The following AMPH variants were observed in gnomAD, a reference collection of about 807,000 sequenced individuals.
The protein encoded by AMPH is amphiphysin (Stiff-Mann syndrome with breast cancer 128kD autoantigen).
AMPH carries 49 observed loss-of-function variants against 99.1 expected under a neutral mutation model. The ratio of observed to expected loss-of-function variants is 0.49; its 90% CI spans 0.39 to 0.63. The LOEUF (loss-of-function observed/expected upper bound fraction) is 0.63, where lower values mean the gene tolerates loss of function less well. AMPH is among the 20% of genes least tolerant of loss of function. The pLI is 0.00. For synonymous variants in AMPH, 314 were observed against 317.3 expected (o/e 0.99, Z 0.11); for missense variants, 759 against 863.4 (o/e 0.88, Z 1.52).
Position 38,475,363 on chromosome 7 carries a change from G to T in AMPH, c.558C>A (p.Asp186Glu). Reference sequence around the variant, plus strand: ...ATAATGATGGTAACTCTTCTTGTAAGTCAACGTTAAACTCTTCAAACACTT... The same window carrying T: ...ATAATGATGGTAACTCTTCTTGTAATTCAACGTTAAACTCTTCAAACACTT... ...AQKVFEEFNV[D>E]LQEELPSLWS... The change falls in exon 7 of 21, where the codon GAC becomes GAA. Residue 186 changes from aspartate (D) to glutamate (E), a missense_variant. This residue lies in a region of AMPH where 205 missense variants were observed against 287.9 expected (regional missense o/e 0.71). Transcript: ENST00000356264. The T allele has an allele frequency of 6.2e-7, 1 of 1,613,170 alleles. No individual in the cohort carries two copies. The highest frequency in any genetic ancestry group is 8.5e-7 in the Non-Finnish European group (1 of 1,179,476).
chr7:38,629,549 C>A (rs1794382009), intron 1 of AMPH, among the ~76,000 whole-genome samples: 1 of 152,166 alleles, frequency 6.6e-6, no homozygotes, highest in African/African-American at 2.4e-5. Flanking sequence ...ATTAGGTTTT[C>A]TTTTCATTTA....
intron 1 of AMPH, among the ~76,000 whole-genome samples, chr7:38,618,916 C>T (rs2129069596): frequency 6.6e-6 from 1 of 152,260 alleles, no homozygotes; most frequent in East Asian, 1.9e-4. Context: ...ACTTAATACT[C>T]CAATTAAAAG....
In AMPH at chr7:38,522,933, C is replaced by T. The variant is rs1391441366; in HGVS notation, c.150+11998G>A. 5.3e-5 allele frequency among the ~76,000 whole-genome samples: 8 copies of T among 151,844 alleles called. No homozygotes were observed. In the South Asian group the frequency reaches 1.7e-3, roughly 32 times the overall value. ...ACCAGCCTGGCCAACATAGTGAAACCCCCATCTTTACTAAAAATACAAAAA... is the reference window on the plus strand; with the variant it reads ...ACCAGCCTGGCCAACATAGTGAAACTCCCATCTTTACTAAAAATACAAAAA... On this transcript the variant is annotated intron_variant, in intron 2 of 20. Transcript: ENST00000356264.
At chr7:38,465,671 C>T in intron 8 of AMPH, 122 bp from the exon 9 acceptor site, 1 of 816,366 alleles carries the variant, frequency 1.2e-6, no homozygotes. Flanking sequence ...GCTTGGATGG[C>T]CTCAGGATAA....
At chr7:38,627,387 C>CAAAAGAAAAAAA (rs1794292225) in intron 1 of AMPH, among the ~76,000 whole-genome samples, 1 of 116,938 alleles carries the variant, frequency 8.6e-6, no homozygotes, top group Non-Finnish European at 1.7e-5. Flanking sequence ...ACTAAAAATA[C>CAAAAGAAAAAAA]AAAAAAAAAA....
At chr7:38,530,239 T>C (rs1246844406) in intron 2 of AMPH, among the ~76,000 whole-genome samples, 1 of 152,170 alleles carries the variant, frequency 6.6e-6, no homozygotes, top group Non-Finnish European at 1.5e-5. Flanking sequence ...GTGAGTTCAG[T>C]CTAAGGAGAG....
chr7:38,528,664 T>C (rs1188179344), intron 2 of AMPH, among the ~76,000 whole-genome samples: 1 of 152,064 alleles, frequency 6.6e-6, no homozygotes, highest in Non-Finnish European at 1.5e-5. Context: ...TTGACTTTTT[T>C]CCAAAGAATC....
intron 11 of AMPH, among the ~76,000 whole-genome samples, chr7:38,450,075 T>C (rs1251136458): frequency 1.3e-5 from 2 of 152,172 alleles, no homozygotes; most frequent in African/African-American, 4.8e-5. Flanking sequence ...TGGTGCTCAA[T>C]TGGTCCCAAC....
At chr7:38,531,948 C>T (rs906305128) in intron 2 of AMPH, among the ~76,000 whole-genome samples, 4 of 152,132 alleles carry the variant, frequency 2.6e-5, no homozygotes, top group Admixed American at 2.6e-4. Context: ...GAATAATAGA[C>T]CTTGCAGATG....
intron 1 of AMPH, among the ~76,000 whole-genome samples, chr7:38,600,144 C>G (rs1021272122): frequency 1.3e-5 from 2 of 152,002 alleles, no homozygotes; most frequent in Admixed American, 6.5e-5. Flanking sequence ...AGATAAAAAT[C>G]CCACTTTAAA....
chr7:38,455,444 G>A (rs1036916660), intron 11 of AMPH, among the ~76,000 whole-genome samples: 9 of 152,108 alleles, frequency 5.9e-5, no homozygotes, highest in African/African-American at 1.9e-4. Flanking sequence ...TCCACAGAGC[G>A]GAAGCAAAAT....
chr7:38,503,118 C>T (rs1789200819), intron 3 of AMPH, among the ~76,000 whole-genome samples: 1 of 152,218 alleles, frequency 6.6e-6, no homozygotes, highest in Non-Finnish European at 1.5e-5. Flanking sequence ...TGGCTGAGTC[C>T]AGAAACTCAT....
chr7:38,486,138 G>GA (rs1226376801), intron 5 of AMPH, among the ~76,000 whole-genome samples: 3 of 142,638 alleles, frequency 2.1e-5, no homozygotes, highest in African/African-American at 7.9e-5. Context: ...AAAACAACAG[G>GA]AAAAATCAAG....
chr7:38,450,359 A>G (rs980891242), intron 11 of AMPH, among the ~76,000 whole-genome samples: 45 of 152,210 alleles, frequency 3.0e-4, no homozygotes, highest in African/African-American at 1.0e-3. Flanking sequence ...GACTCTGGCA[A>G]AGAGGGACCC....
intron 17 of AMPH, among the ~76,000 whole-genome samples, chr7:38,403,659 C>T (rs75841568): frequency 0.063 from 9,521 of 152,252 alleles, 380 homozygotes; most frequent in East Asian, 0.19. Context: ...TGGCAGAGGC[C>T]GCCCCGAGGG....
chr7:38,547,731 C>T (rs1046844213), intron 1 of AMPH, among the ~76,000 whole-genome samples: 3 of 152,154 alleles, frequency 2.0e-5, no homozygotes, highest in Non-Finnish European at 4.4e-5. Context: ...AGACATCAAT[C>T]AATATGTGTA....
chr7:38,584,338 G>C (rs1435995049), intron 1 of AMPH, among the ~76,000 whole-genome samples: 1 of 152,150 alleles, frequency 6.6e-6, no homozygotes, highest in Non-Finnish European at 1.5e-5. Flanking sequence ...AAGGAGCCCT[G>C]GTAGTAGGAA....
chr7:38,532,448 T>C (rs1243453509), intron 2 of AMPH, among the ~76,000 whole-genome samples: 1 of 152,194 alleles, frequency 6.6e-6, no homozygotes, highest in Non-Finnish European at 1.5e-5. Flanking sequence ...TTGTTCAAAT[T>C]TCCCCAAGTT....
At chr7:38,407,145 T>C (rs1001469026) in intron 17 of AMPH, among the ~76,000 whole-genome samples, 2 of 137,444 alleles carry the variant, frequency 1.5e-5, no homozygotes, top group South Asian at 2.4e-4. Flanking sequence ...TAGATAGCTA[T>C]AGAGATATAT....
Sources: allele counts gnomAD v4.1 joint callset (sites outside exome capture counted in the v4.1 genomes callset), GRCh38; gene constraint gnomAD v4.1.1; regional missense constraint gnomAD v4.1.1; transcripts MANE v1.5; gene names NCBI Gene and HGNC (gene_info 2026-07-23, HGNC 2026-07-21).